CLUH: variants seen among roughly 807,000 people sequenced by gnomAD.
CLUH encodes the protein clustered mitochondria protein homolog.
Under a neutral mutation model 139.3 loss-of-function variants are expected in CLUH, and 77 were observed. That is an observed-to-expected ratio of 0.55 (90% CI 0.46 to 0.67). The LOEUF (loss-of-function observed/expected upper bound fraction) is 0.67, where lower values mean the gene tolerates loss of function less well. CLUH is among the 30% of genes least tolerant of loss of function. CLUH has a pLI of 0.00. For missense variants in CLUH, 1,876 were observed against 1,875.8 expected, an observed-to-expected ratio of 1.00 and a Z score of 0.00; for synonymous variants, 999 against 801.6, an observed-to-expected ratio of 1.25 and a Z score of -4.16.
intron 13 of CLUH, 159 bp from the exon 14 acceptor site, chr17:2,695,685 A>C: frequency 2.0e-6 from 2 of 1,007,260 alleles, no homozygotes; most frequent in Non-Finnish European, 1.4e-6. Flanking sequence ...CTCTGGCAGG[A>C]GCGCAGGCCA....
At chr17:2,692,749 TC>T in intron 20 of CLUH, 30 bp downstream of exon 20, 3 of 1,599,222 alleles carry the variant, frequency 1.9e-6, no homozygotes, top group South Asian at 1.1e-5. Flanking sequence ...GCCCCTCGCA[TC>T]CCCCGGCGCG....
chr17:2,706,431 G>A lies in CLUH; in HGVS notation c.101-1867C>T, dbSNP rs916571187. Among the ~76,000 whole-genome samples, 2 of 152,004 alleles carry A rather than the reference G, an allele frequency of 1.3e-5. No individual in the cohort carries two copies. Among genetic ancestry groups the A allele is most frequent in the East Asian group, 1.9e-4 (1 of 5,184 alleles). ...GGCCCCAGACTCCCTCCTGCAGCCCGCACCCTACGCCGCGGCACTCCCTCA... is the reference window on the plus strand; with the variant it reads ...GGCCCCAGACTCCCTCCTGCAGCCCACACCCTACGCCGCGGCACTCCCTCA... On this transcript the variant is annotated intron_variant, in intron 1 of 25. Transcript: ENST00000651024. This position sits in a 1 kb window ranked among gnomAD's most constrained non-coding sequence, Gnocchi z 4.6.
At chr17:2,710,543 G>T (rs1315081309) in intron 1 of CLUH, among the ~76,000 whole-genome samples, 2 of 152,206 alleles carry the variant, frequency 1.3e-5, no homozygotes, top group African/African-American at 4.8e-5. Flanking sequence ...GGGACTGGGG[G>T]ACAGGAGTAG....
rs1456606479 is a variant in CLUH at position 2,690,285 on chromosome 17, C to T, written c.*309G>A. 2.9e-6 allele frequency: 1 copy of T among 346,758 alleles called. No individual in the cohort carries two copies. The highest frequency in any genetic ancestry group is 4.6e-5 in the East Asian group (1 of 21,802). The allele number at this position is 346,758 out of a possible 1,614,324, so 21.5% of individuals were successfully genotyped here. ...CGGTCAACACTCACAGCCAGGGGCGCACTCGCACACGCCGGCCGGACGGCG... is the reference window on the plus strand; with the variant it reads ...CGGTCAACACTCACAGCCAGGGGCGTACTCGCACACGCCGGCCGGACGGCG... On this transcript the variant is annotated 3_prime_UTR_variant, in exon 26 of 26. Transcript: ENST00000651024.
intron 18 of CLUH, 33 bp downstream of exon 18, chr17:2,694,090 C>A: frequency 6.2e-7 from 1 of 1,613,878 alleles, no homozygotes; most frequent in Non-Finnish European, 8.5e-7. Context: ...ATGGGGAACC[C>A]CCACCTCCAC....
Position 2,698,390 on chromosome 17 carries a change from G to T in CLUH, c.1467C>A (p.Asn489Lys), listed in dbSNP as rs771452818. The change falls in exon 10 of 26, where the codon AAC (asparagine) becomes AAA (lysine). Residue 489 changes from asparagine to lysine, a missense_variant. Asn to Lys is a moderately conservative substitution (Grantham distance 94). Transcript: ENST00000651024. ...TGTACGTGCGGACGCCATTCAGGTCGTTGGTGGGCGCCACGTAGGCCGCCA... is the reference window on the plus strand; with the variant it reads ...TGTACGTGCGGACGCCATTCAGGTCTTTGGTGGGCGCCACGTAGGCCGCCA... ...GDVAAYVAPTNDLNGVRTYNA... is the reference protein window; with the variant it reads ...GDVAAYVAPTKDLNGVRTYNA... 1.9e-6 allele frequency: 3 copies of T among 1,613,106 alleles called. No individual in the cohort carries two copies. In the Admixed American group the frequency reaches 5.0e-5, roughly 27 times the overall value.
chr17:2,694,248 C>A lies in CLUH; in HGVS notation c.2966G>T (p.Ser989Ile). 6.2e-7 allele frequency: 1 copy of A among 1,604,494 alleles called. No individual in the cohort carries two copies. Among genetic ancestry groups the A allele is most frequent in the Non-Finnish European group, 8.5e-7 (1 of 1,174,734 alleles). Reference protein sequence around the residue: ...QVLLKEYSFDSRHKPAFTEED... With the variant: ...QVLLKEYSFDIRHKPAFTEED... ...CTCGGTGAACGCGGGCTTGTGGCGACTGTCGAAGCTGTACTCCTTCAGCAG... is the reference window on the plus strand; with the variant it reads ...CTCGGTGAACGCGGGCTTGTGGCGAATGTCGAAGCTGTACTCCTTCAGCAG... Residue 989 changes from serine to isoleucine, a missense_variant, in exon 18 of 26, where the codon AGT (serine) becomes ATT (isoleucine). By Grantham distance (142) the Ser-to-Ile change is moderately radical. This residue lies in a region of CLUH where 1,454 missense variants were observed against 1,384.4 expected (regional missense o/e 1.05). Coordinates refer to ENST00000651024, the MANE Select transcript of CLUH (RefSeq NM_001366661.1).
In CLUH at chr17:2,693,863, C is replaced by A. The variant is rs777481250; in HGVS notation, c.3231+37G>T. The A allele has an allele frequency of 3.8e-6, 6 of 1,575,324 alleles. No individual in the cohort carries two copies. In the Admixed American group the frequency reaches 9.3e-5, roughly 24 times the overall value. ...CCCCCTCACTCCCCATCCCCCAACA[C>A]GAGGCCAGGCCTTTGCTGCCACAGC... On this transcript the variant is annotated intron_variant, in intron 19 of 25. Transcript: ENST00000651024.
rs1401480341 is a variant in CLUH at position 2,701,699 on chromosome 17, T to C, written c.658A>G (p.Ile220Val). Reference protein sequence around the residue: ...KRKKGLEMDPIDCTPPEYILP... With the variant: ...KRKKGLEMDPVDCTPPEYILP... The stretch of plus-strand genomic sequence containing the variant: ...ATGTACTCGGGTGGTGTGCAGTCGA[T>C]GGGGTCCATCTCCAAGCCCTTCTTC... The change falls in exon 5 of 26, where the codon ATC becomes GTC. Residue 220 changes from isoleucine (I) to valine (V), a missense_variant. Ile to Val is a conservative substitution (Grantham distance 29). Coordinates refer to ENST00000651024, the MANE Select transcript of CLUH (RefSeq NM_001366661.1). The C allele has an allele frequency of 1.3e-6, 2 of 1,588,578 alleles. No homozygotes were observed. The highest frequency in any genetic ancestry group is 1.7e-6 in the Non-Finnish European group (2 of 1,167,446).
intron 8 of CLUH, 101 bp from the exon 9 acceptor site, chr17:2,700,575 C>A: frequency 6.5e-7 from 1 of 1,536,688 alleles, no homozygotes; most frequent in East Asian, 2.3e-5. Context: ...CCCCAGACTC[C>A]CAAATGAAGT....
At position 2,703,721 on chromosome 17, in the gene CLUH, G is replaced by A. The variant is rs1055698064; in HGVS notation, c.304-232C>T. ...TCCACACATGCCATGCCCTGTGTGT[G>A]CAGCCTGGAGCCTGGCCCACCGACT... On this transcript the variant is annotated intron_variant, in intron 2 of 25. Coordinates refer to ENST00000651024, the MANE Select transcript of CLUH (RefSeq NM_001366661.1). This position sits in a 1 kb window ranked among gnomAD's most constrained non-coding sequence, Gnocchi z 4.2. 1.3e-5 allele frequency among the ~76,000 whole-genome samples: 2 copies of A among 152,200 alleles called. No homozygotes were observed. Among genetic ancestry groups the A allele is most frequent in the East Asian group, 3.9e-4 (2 of 5,168 alleles).
Position 2,703,482 on chromosome 17 carries a change from G to C in CLUH, c.311C>G (p.Pro104Arg). 6.2e-7 allele frequency: 1 copy of C among 1,613,124 alleles called. No individual in the cohort carries two copies. The highest frequency in any genetic ancestry group is 2.2e-5 in the East Asian group (1 of 44,870). Residue 104 changes from proline (P) to arginine (R), a missense_variant, in exon 3 of 26, where the codon CCC (proline) becomes CGC (arginine). Physicochemically the swap from Pro to Arg is moderately radical, Grantham distance 103 (BLOSUM62 -2). This residue lies in a region of CLUH where 152 missense variants were observed against 136.7 expected (regional missense o/e 1.11). Transcript: ENST00000651024. The surrounding 1 kb of genome is among the most constrained non-coding windows in gnomAD (Gnocchi z 4.2). ...GIEPFSLQVSPQEMVQEIHQV... is the reference protein window; with the variant it reads ...GIEPFSLQVSRQEMVQEIHQV... ...GTGAATCTCCTGCACCATCTCCTGG[G>C]GGGACACCTGCAGGGAGAAGGCCCC...
intron 1 of CLUH, among the ~76,000 whole-genome samples, chr17:2,710,631 G>T (rs2286513): frequency 0.14 from 20,877 of 151,976 alleles, 1,799 homozygotes; most frequent in East Asian, 0.39. Flanking sequence ...GGGGATTCCA[G>T]CCCCAAGGCT....
At position 2,690,652 on chromosome 17, in the gene CLUH, C is replaced by T. The variant is rs559628095; in HGVS notation, c.3989G>A (p.Gly1330Glu). The change falls in exon 26 of 26, where the codon GGA becomes GAA. Residue 1330 changes from glycine to glutamate, a missense_variant. By Grantham distance (98) the Gly-to-Glu change is moderately conservative (BLOSUM62 -2). Transcript: ENST00000651024. ...ATEPAPAGAP[G>E]DLGSQPPAAK... ...AGCCGGGGGCTGGGAGCCCAGGTCTCCTGGGGCCCCCGCTGGCGCGGGCTC... is the reference window on the plus strand; with the variant it reads ...AGCCGGGGGCTGGGAGCCCAGGTCTTCTGGGGCCCCCGCTGGCGCGGGCTC... 8 of 1,537,168 alleles carry T rather than the reference C, an allele frequency of 5.2e-6. No individual in the cohort carries two copies. Among genetic ancestry groups the T allele is most frequent in the African/African-American group, 4.3e-5 (3 of 70,022 alleles).
chr17:2,702,401 T>C (rs537843886), intron 3 of CLUH, among the ~76,000 whole-genome samples: 47 of 152,342 alleles, frequency 3.1e-4, no homozygotes, highest in African/African-American at 1.1e-3. Flanking sequence ...CTGTGGGACT[T>C]CCACACCACA....
chr17:2,708,038 C>T (rs894349248), intron 1 of CLUH: 1 of 980,740 alleles, frequency 1.0e-6, no homozygotes, highest in Non-Finnish European at 1.2e-6. Context: ...CAGGGGAGAA[C>T]AGAGCTGGCA....
chr17:2,692,319 A>C, intron 22 of CLUH, 42 bp downstream of exon 22: 1 of 1,499,392 alleles, frequency 6.7e-7, no homozygotes, highest in Non-Finnish European at 8.9e-7. Context: ...GCTGCCCCGC[A>C]GGCCTCCGCC....
At chr17:2,694,822 T>TTCCCCCCCCCCCCCCCCCCCCCCCC in intron 16 of CLUH, 35 bp downstream of exon 16, 1 of 1,346,338 alleles carries the variant, frequency 7.4e-7, no homozygotes, top group Non-Finnish European at 1.0e-6. Flanking sequence ...ATCTGCCCAA[T>TTCCCCCCCCCCCCCCCCCCCCCCCC]CCCACCCACC....
rs1255689855 is a variant in CLUH, at chr17:2,703,769, G to A, written c.304-280C>T. Among the ~76,000 whole-genome samples the A allele has an allele frequency of 1.3e-5, 2 of 152,146 alleles. No homozygotes were observed. The highest frequency in any genetic ancestry group is 4.8e-5 in the African/African-American group (2 of 41,438). ...ACTCGGCCTGCAGACCCAGAGCAAT[G>A]CCCGAGCAGAGAAGGGAGATGAAGA... On this transcript the variant is annotated intron_variant, in intron 2 of 25. Transcript: ENST00000651024. This position sits in a 1 kb window ranked among gnomAD's most constrained non-coding sequence, Gnocchi z 4.2.
Sources: gnomAD v4.1 joint callset for allele counts (sites outside exome capture counted in the v4.1 genomes callset) on GRCh38, gnomAD v4.1.1 for gene constraint, gnomAD v4.1.1 regional missense constraint, Gnocchi (gnomAD v3.1) non-coding constraint, MANE v1.5 for transcripts, NCBI Gene and HGNC (gene_info 2026-07-23, HGNC 2026-07-21) for gene names.